PNPLA8: variants seen among roughly 807,000 people sequenced by gnomAD.
PNPLA8 encodes patatin like domain 8, phospholipase A2, also known as calcium-independent phospholipase A2-gamma.
A neutral mutation model predicts 76.9 loss-of-function variants in PNPLA8; 39 were observed. The ratio of observed to expected loss-of-function variants is 0.51; its 90% CI spans 0.39 to 0.66. PNPLA8 has a LOEUF of 0.66. Ranked by LOEUF, PNPLA8 falls within the 30% of genes least tolerant of loss-of-function variation. The probability of loss-of-function intolerance (pLI) is 0.00; values close to 1 mark genes in which losing one functional copy is unlikely to be tolerated. For missense variants in PNPLA8, 887 were observed against 918.0 expected (o/e 0.97, Z 0.44); for synonymous variants, 301 against 307.9 (o/e 0.98, Z 0.24).
At chr7:108,488,017 T>G (rs1435783991) in intron 8 of PNPLA8, 64 bp from the exon 9 acceptor site, 1 of 927,984 alleles carries the variant, frequency 1.1e-6, no homozygotes, top group East Asian at 2.5e-5. Flanking sequence ...CTGTAAAAAT[T>G]AAATACTATT....
At chr7:108,491,017 C>T (rs1861126656) in intron 8 of PNPLA8, among the ~76,000 whole-genome samples, 1 of 151,918 alleles carries the variant, frequency 6.6e-6, no homozygotes, top group Admixed American at 6.5e-5. Flanking sequence ...ATAAAAGGGC[C>T]CTCAGGGCCG....
intron 4 of PNPLA8, among the ~76,000 whole-genome samples, chr7:108,505,319 T>C (rs1862274973): frequency 2.8e-4 from 1 of 3,620 alleles, no homozygotes; most frequent in African/African-American, 1.1e-3. Context: ...TATATATATA[T>C]ATATATATAT....
At chr7:108,479,127 A>G in intron 10 of PNPLA8, 57 bp downstream of exon 10, 1 of 1,304,048 alleles carries the variant, frequency 7.7e-7, no homozygotes, top group Non-Finnish European at 1.1e-6. Context: ...AAATGCCACC[A>G]AAAAACTGCT....
chr7:108,520,139 A>T (rs1205061020), intron 2 of PNPLA8, among the ~76,000 whole-genome samples: 1 of 152,144 alleles, frequency 6.6e-6, no homozygotes, highest in African/African-American at 2.4e-5. Flanking sequence ...TTTGTATGCC[A>T]TTTCTCTTAC....
rs575630051 is a variant in PNPLA8 at position 108,515,183 on chromosome 7, A to G, written c.309T>C (p.Arg103=). The G allele has an allele frequency of 6.2e-7, 1 of 1,606,452 alleles. No homozygotes were observed. Among genetic ancestry groups the G allele is most frequent in the South Asian group, 1.1e-5 (1 of 90,692 alleles). The change falls in exon 3 of 11, where the codon CGT becomes CGC. Residue 103 remains arginine, a synonymous_variant. Transcript: ENST00000257694. Reference sequence around the variant, plus strand: ...AAACAGAGTTCAAAGTACTTTTAATACGGGACATACAAATGTTCACTTTTG... The same window carrying G: ...AAACAGAGTTCAAAGTACTTTTAATGCGGGACATACAAATGTTCACTTTTG... ...GLTKVNICMS[R]IKSTLNSVSK...
chr7:108,517,419 C>G (rs1346781106), intron 2 of PNPLA8, among the ~76,000 whole-genome samples: 10 of 152,210 alleles, frequency 6.6e-5, no homozygotes, highest in Admixed American at 6.5e-4. Flanking sequence ...CCCAAAGGAG[C>G]TGAAGACTAA....
At chr7:108,513,474 A>T (rs1863081228) in intron 4 of PNPLA8, among the ~76,000 whole-genome samples, 1 of 152,104 alleles carries the variant, frequency 6.6e-6, no homozygotes, top group African/African-American at 2.4e-5. Flanking sequence ...AAAAATAAGC[A>T]CTAATAGATT....
chr7:108,488,381 A>T (rs370858432), intron 8 of PNPLA8, among the ~76,000 whole-genome samples: 21 of 152,344 alleles, frequency 1.4e-4, no homozygotes, highest in African/African-American at 5.1e-4. Context: ...GGAGCTCAAG[A>T]GCAGCCTGCC....
intron 1 of PNPLA8, among the ~76,000 whole-genome samples, chr7:108,523,881 C>T (rs1472249782): frequency 6.6e-6 from 1 of 152,060 alleles, no homozygotes; most frequent in Admixed American, 6.6e-5. Flanking sequence ...GAGAAAACAA[C>T]AAAACACAGG....
At chr7:108,488,910 G>C (rs993747997) in intron 8 of PNPLA8, among the ~76,000 whole-genome samples, 1 of 152,170 alleles carries the variant, frequency 6.6e-6, no homozygotes, top group African/African-American at 2.4e-5. Context: ...GCCAAGTCCT[G>C]CCAATTGTTT....
Position 108,505,301 on chromosome 7 carries a change from TA to T in PNPLA8, c.1207-2660del, listed in dbSNP as rs1158757686. 2.3e-3 allele frequency among the ~76,000 whole-genome samples: 7 copies of T among 3,020 alleles called. No homozygotes were observed. In the East Asian group the frequency reaches 0.031, roughly 13 times the overall value. 2.0% of individuals were successfully genotyped at this position (3,020 alleles called of 152,430 possible). ...TTTCAGAAGAAAACACAAGAAAATT[TA>T]TATATATATATATATATATATATAT... On this transcript the variant is annotated intron_variant, in intron 4 of 10. Coordinates refer to ENST00000257694, the MANE Select transcript of PNPLA8 (RefSeq NM_001256007.3).
intron 10 of PNPLA8, among the ~76,000 whole-genome samples, chr7:108,474,940 C>T (rs1238552055): frequency 1.3e-5 from 2 of 152,154 alleles, no homozygotes; most frequent in African/African-American, 4.8e-5. Flanking sequence ...GGCTGCACAG[C>T]AGGGGGTGAG....
At chr7:108,490,381 C>T (rs1563946445) in intron 8 of PNPLA8, among the ~76,000 whole-genome samples, 1 of 141,818 alleles carries the variant, frequency 7.1e-6, no homozygotes. Context: ...ATAATACTTG[C>T]ACAATGACAA....
chr7:108,526,823 A>G (rs1315488992), upstream of PNPLA8, among the ~76,000 whole-genome samples: 1 of 152,216 alleles, frequency 6.6e-6, no homozygotes, highest in Non-Finnish European at 1.5e-5. Flanking sequence ...CTCAGGGCAA[A>G]TCCAGCCCAC....
At chr7:108,516,026 C>T (rs1162432560) in intron 2 of PNPLA8, among the ~76,000 whole-genome samples, 1 of 152,136 alleles carries the variant, frequency 6.6e-6, no homozygotes, top group African/African-American at 2.4e-5. Flanking sequence ...AGACATGGTG[C>T]TAGATGCTGA....
At position 108,472,579 on chromosome 7, in the gene PNPLA8, T is replaced by G; in HGVS notation, c.2171A>C (p.Asn724Thr). 1 of 1,613,158 alleles carries G rather than the reference T, an allele frequency of 6.2e-7. No homozygotes were observed. Among genetic ancestry groups the G allele is most frequent in the Non-Finnish European group, 8.5e-7 (1 of 1,179,706 alleles). The change falls in exon 11 of 11, where the codon AAT becomes ACT. Residue 724 changes from asparagine (N) to threonine (T), a missense_variant. Coordinates refer to ENST00000257694, the MANE Select transcript of PNPLA8 (RefSeq NM_001256007.3). Reference protein sequence around the residue: ...CENIPLDESRNEKLDQLQLEG... With the variant: ...CENIPLDESRTEKLDQLQLEG... ...CAACTGCAGCTGATCCAGCTTTTCA[T>G]TTCGACTTTCATCTAGAGGTATGTT... is the stretch of plus-strand genomic sequence containing the variant.
intron 1 of PNPLA8, among the ~76,000 whole-genome samples, chr7:108,523,321 A>G (rs1275502435): frequency 1.3e-5 from 2 of 152,188 alleles, no homozygotes; most frequent in Non-Finnish European, 2.9e-5. Context: ...GAGAGCAAAG[A>G]TCACCTGGTG....
In PNPLA8 at chr7:108,471,432, C is replaced by T. The variant is rs916200298; in HGVS notation, c.*969G>A. 4 of 152,066 alleles carry T rather than the reference C, an allele frequency of 2.6e-5. No homozygotes were observed. The highest frequency in any genetic ancestry group is 2.4e-5 in the African/African-American group (1 of 41,352). 9.4% of individuals were successfully genotyped at this position (152,066 alleles called of 1,614,324 possible). ...GTTTCACCGTGTTGGCCAGGCTGGT[C>T]TTGGACTCCTGACGTCAGGTGATCT... On this transcript the variant is annotated 3_prime_UTR_variant, in exon 11 of 11. Transcript: ENST00000257694.
intron 8 of PNPLA8, among the ~76,000 whole-genome samples, chr7:108,489,106 T>G (rs987986914): frequency 6.6e-6 from 1 of 152,214 alleles, no homozygotes; most frequent in African/African-American, 2.4e-5. Context: ...ATTTACTTCT[T>G]AAGATGGCTA....
Sources: gnomAD v4.1 joint callset for allele counts (sites outside exome capture counted in the v4.1 genomes callset) on GRCh38, gnomAD v4.1.1 for gene constraint, MANE v1.5 for transcripts, NCBI Gene and HGNC (gene_info 2026-07-23, HGNC 2026-07-21) for gene names.